The following GPSM1 variants were observed in gnomAD, a reference collection of about 807,000 sequenced individuals.
The protein encoded by GPSM1 is G protein signaling modulator 1, also known as G protein-signaling modulator 1.
GPSM1 carries 48 observed loss-of-function variants against 70.5 expected under a neutral mutation model. That is an observed-to-expected ratio of 0.68 (90% confidence interval 0.54 to 0.87). The LOEUF is 0.87. GPSM1 is among the 40% of genes least tolerant of loss of function. The pLI is 0.00. For missense variants in GPSM1, 981 were observed against 972.6 expected (o/e 1.01, Z -0.11); for synonymous variants, 416 against 430.1 (o/e 0.97, Z 0.41).
chr9:136,351,609 C>G lies in GPSM1; in HGVS notation c.1455+1846C>G, dbSNP rs555230833. On this transcript the variant is annotated intron_variant, in intron 11 of 13. Transcript: ENST00000440944. ...CTGCCCTGGGTCTGGGCCAGCAGGG[C>G]AAGGGGACACAGTTCCAAGTGTCCA... is the stretch of plus-strand genomic sequence containing the variant. 4.6e-5 allele frequency among the ~76,000 whole-genome samples: 7 copies of G among 152,300 alleles called. No individual in the cohort carries two copies. In the South Asian group the frequency reaches 1.4e-3, roughly 32 times the overall value.
intron 9 of GPSM1, among the ~76,000 whole-genome samples, chr9:136,346,371 C>G (rs547097294): frequency 6.6e-6 from 1 of 152,334 alleles, no homozygotes; most frequent in African/African-American, 2.4e-5. Flanking sequence ...TCCCCTTCCC[C>G]CCAGCTGCGT....
chr9:136,344,902 C>G (rs1199279759), intron 9 of GPSM1, among the ~76,000 whole-genome samples: 2 of 152,178 alleles, frequency 1.3e-5, no homozygotes, highest in East Asian at 3.9e-4. Flanking sequence ...GGGGCAAGGC[C>G]TAGGCCAGCC....
rs782103717 is a variant in GPSM1, at chr9:136,358,041, C to T, written c.1849C>T (p.Pro617Ser). The T allele has an allele frequency of 1.2e-6, 2 of 1,612,640 alleles. No individual in the cohort carries two copies. Among genetic ancestry groups the T allele is most frequent in the Non-Finnish European group, 1.7e-6 (2 of 1,179,774 alleles). ...CTCCAGGATCGATGACCAGCGCTGC[C>T]CGCCACCTGACGTACTGCCCCGGGG... is the stretch of plus-strand genomic sequence containing the variant. ...QSSRIDDQRC[P>S]PPDVLPRGPT... Residue 617 changes from proline to serine, a missense_variant, in exon 14 of 14, where the codon CCG (proline) becomes TCG (serine). Physicochemically the swap from Pro to Ser is moderately conservative, Grantham distance 74. Coordinates refer to ENST00000440944, the MANE Select transcript of GPSM1 (RefSeq NM_001145638.3).
intron 1 of GPSM1, among the ~76,000 whole-genome samples, chr9:136,331,504 A>G (rs1454465621): frequency 6.6e-6 from 1 of 152,164 alleles, no homozygotes; most frequent in Admixed American, 6.5e-5. Context: ...ACCACTGCGC[A>G]GAATTCCAGC....
At position 136,341,103 on chromosome 9, in the gene GPSM1, C is replaced by T. The variant is rs1283815282; in HGVS notation, c.1207+110C>T. ...GCCAGCATGGCGGAGGTGGCAGCCG[C>T]CAGAAAATGGCGCCTACAAGCCAGT... On this transcript the variant is annotated intron_variant, in intron 9 of 13. Transcript: ENST00000440944. This position sits in a 1 kb window ranked among gnomAD's most constrained non-coding sequence, Gnocchi z 6.7. 7.1e-6 allele frequency: 11 copies of T among 1,549,988 alleles called. No homozygotes were observed. In the East Asian group the frequency reaches 2.2e-4, roughly 31 times the overall value.
In GPSM1 at chr9:136,355,855, C is replaced by A. The variant is rs781951633; in HGVS notation, c.1612+9C>A. On this transcript the variant is annotated intron_variant, in intron 12 of 13. Transcript: ENST00000440944. ...CCTGGAGGACAGGATCGGTGAGTGCCCCCCTCAGCCGGGCCCTCCCTTGGG... is the reference window on the plus strand; with the variant it reads ...CCTGGAGGACAGGATCGGTGAGTGCACCCCTCAGCCGGGCCCTCCCTTGGG... 17 of 1,598,082 alleles carry A rather than the reference C, an allele frequency of 1.1e-5. No homozygotes were observed. The highest frequency in any genetic ancestry group is 2.2e-5 in the South Asian group (2 of 90,516).
chr9:136,338,635 C>T lies in GPSM1; in HGVS notation c.899C>T (p.Thr300Met), dbSNP rs782089594. ...TGCTACAGTCTGGGCAACACCTACA[C>T]GCTGCTGCAGGACTACGAGCGCGCG... The part of the protein sequence containing the change: ...QACYSLGNTY[T>M]LLQDYERAAE... The change falls in exon 7 of 14, where the codon ACG becomes ATG. Residue 300 changes from threonine to methionine, a missense_variant. Thr to Met is a moderately conservative substitution (Grantham distance 81). Transcript: ENST00000440944. The T allele has an allele frequency of 1.4e-5, 22 of 1,607,248 alleles. No individual in the cohort carries two copies. Among genetic ancestry groups the T allele is most frequent in the South Asian group, 5.6e-5 (5 of 89,788 alleles).
chr9:136,348,962 GC>G (rs1554771676), intron 10 of GPSM1, among the ~76,000 whole-genome samples, 195 bp downstream of exon 10: 1 of 152,226 alleles, frequency 6.6e-6, no homozygotes, highest in African/African-American at 2.4e-5. Context: ...GGCCAGCTGT[GC>G]CCCAGGCGAG....
At chr9:136,337,802 C>T (rs369139451) in intron 5 of GPSM1, 44 bp from the exon 6 acceptor site, 258 of 1,467,408 alleles carry the variant, frequency 1.8e-4, no homozygotes, top group African/African-American at 1.6e-3. Flanking sequence ...CGTCAGGCCC[C>T]GGGGCTGCGC....
rs1554773522 is a variant in GPSM1, at chr9:136,358,064, G to A, written c.1872G>A (p.Arg624=). 1 of 1,612,812 alleles carries A rather than the reference G, an allele frequency of 6.2e-7. No homozygotes were observed. The highest frequency in any genetic ancestry group is 8.5e-7 in the Non-Finnish European group (1 of 1,179,850). The stretch of plus-strand genomic sequence containing the variant: ...GCCCGCCACCTGACGTACTGCCCCG[G>A]GGCCCTACCATGCCGGACGAGGACT... ...QRCPPPDVLP[R]GPTMPDEDFF... Residue 624 remains arginine, a synonymous_variant, in exon 14 of 14, where the codon CGG becomes CGA. Transcript: ENST00000440944.
Position 136,334,442 on chromosome 9 carries a change from C to A in GPSM1, c.69-5C>A. Reference sequence around the variant, plus strand: ...TGGGCCATGACGCCAAGTTCCTCTGCACAGGATGGAGGCGTCCTGCCTAGA... The same window carrying A: ...TGGGCCATGACGCCAAGTTCCTCTGAACAGGATGGAGGCGTCCTGCCTAGA... On this transcript the variant is annotated splice_polypyrimidine_tract_variant and splice_region_variant and intron_variant, in intron 1 of 13. Coordinates refer to ENST00000440944, the MANE Select transcript of GPSM1 (RefSeq NM_001145638.3). The A allele has an allele frequency of 6.2e-7, 1 of 1,609,582 alleles. No individual in the cohort carries two copies. The highest frequency in any genetic ancestry group is 8.5e-7 in the Non-Finnish European group (1 of 1,178,344).
intron 9 of GPSM1, among the ~76,000 whole-genome samples, chr9:136,345,513 T>C (rs1832502055): frequency 6.6e-6 from 1 of 152,178 alleles, no homozygotes; most frequent in Non-Finnish European, 1.5e-5. Context: ...ACGCAGGCTG[T>C]GTCTCAGAAG....
Position 136,358,062 on chromosome 9 carries a change from C to T in GPSM1, c.1870C>T (p.Arg624Trp), listed in dbSNP as rs1240798228. The T allele has an allele frequency of 1.1e-5, 17 of 1,612,628 alleles. No homozygotes were observed. In the Middle Eastern group the frequency reaches 4.9e-4, roughly 47 times the overall value. Residue 624 changes from arginine (R) to tryptophan (W), a missense_variant, in exon 14 of 14, where the codon CGG (arginine) becomes TGG (tryptophan). Coordinates refer to ENST00000440944, the MANE Select transcript of GPSM1 (RefSeq NM_001145638.3). The part of the protein sequence containing the change: ...QRCPPPDVLP[R>W]GPTMPDEDFF... ...CTGCCCGCCACCTGACGTACTGCCC[C>T]GGGGCCCTACCATGCCGGACGAGGA...
rs140128251 is a variant in GPSM1 at position 136,337,476 on chromosome 9, G to A, written c.614G>A (p.Arg205His). The part of the protein sequence containing the change: ...NLSLVKELGD[R>H]AAQGRAYGNL... ...TCCCTGGTGAAGGAGCTGGGCGACCGTGCGGCGCAGGGCAGGGCCTACGGC... is the reference window on the plus strand; with the variant it reads ...TCCCTGGTGAAGGAGCTGGGCGACCATGCGGCGCAGGGCAGGGCCTACGGC... The change falls in exon 5 of 14, where the codon CGT becomes CAT. Residue 205 changes from arginine (R) to histidine (H), a missense_variant. Arg to His is a conservative substitution (Grantham distance 29, BLOSUM62 0). Coordinates refer to ENST00000440944, the MANE Select transcript of GPSM1 (RefSeq NM_001145638.3). The A allele has an allele frequency of 8.9e-6, 14 of 1,567,776 alleles. No individual in the cohort carries two copies. Among genetic ancestry groups the A allele is most frequent in the Middle Eastern group, 1.7e-4 (1 of 6,014 alleles).
intron 9 of GPSM1, among the ~76,000 whole-genome samples, chr9:136,348,403 G>A (rs920200108): frequency 3.3e-5 from 5 of 152,168 alleles, no homozygotes; most frequent in Non-Finnish European, 7.4e-5. Flanking sequence ...CCCTGTGTGC[G>A]GCAGGGGAGA....
intron 9 of GPSM1, among the ~76,000 whole-genome samples, chr9:136,344,143 ACGGGGGAGGTGCGGACAGGAT>A (rs1832460212): frequency 2.2e-5 from 3 of 138,778 alleles, no homozygotes; most frequent in Non-Finnish European, 4.7e-5. Flanking sequence ...GCGGACAGGA[ACGGGGGAGGTGCGGACAGGAT>A]CGGGGGGAGG....
chr9:136,356,581 G>T (rs531351191), intron 13 of GPSM1, 31 bp downstream of exon 13: 5 of 1,543,640 alleles, frequency 3.2e-6, no homozygotes, highest in Admixed American at 3.6e-5. Context: ...GGCGTGGCTC[G>T]CGGCCCCTTT....
At chr9:136,353,736 G>C (rs1260285977) in intron 11 of GPSM1, among the ~76,000 whole-genome samples, 1 of 152,218 alleles carries the variant, frequency 6.6e-6, no homozygotes, top group Non-Finnish European at 1.5e-5. Flanking sequence ...CGGGTCACCT[G>C]GGGGAGTCCA....
chr9:136,351,543 C>T (rs1832662629), intron 11 of GPSM1, among the ~76,000 whole-genome samples: 2 of 152,216 alleles, frequency 1.3e-5, no homozygotes, highest in African/African-American at 4.8e-5. Context: ...CTAGAAAGCA[C>T]AGCCTCTGAG....
Sources: gnomAD v4.1 joint callset for allele counts (sites outside exome capture counted in the v4.1 genomes callset) on GRCh38, gnomAD v4.1.1 for gene constraint, Gnocchi (gnomAD v3.1) non-coding constraint, MANE v1.5 for transcripts, NCBI Gene and HGNC (gene_info 2026-07-23, HGNC 2026-07-21) for gene names.